The following AATK variants were observed in gnomAD, a reference collection of about 807,000 sequenced individuals.
AATK encodes serine/threonine-protein kinase LMTK1.
In AATK, 91 loss-of-function variants were observed where a neutral mutation model predicts 114.3. That is an observed-to-expected ratio of 0.80 (90% CI 0.67 to 0.95). The LOEUF (loss-of-function observed/expected upper bound fraction) is 0.95. Among genes scored for constraint, AATK ranks in the 40% least tolerant of loss-of-function variants. The pLI is 0.00. For synonymous variants in AATK, 1,075 were observed against 916.5 expected, an observed-to-expected ratio of 1.17 and a Z score of -3.12; for missense variants, 2,176 against 1,965.2, an observed-to-expected ratio of 1.11 and a Z score of -2.03.
intron 2 of AATK, chr17:81,131,838 A>C: frequency 7.7e-7 from 1 of 1,299,156 alleles, no homozygotes; most frequent in Non-Finnish European, 1.0e-6. Context: ...TGCCGGGACA[A>C]GGAGCATTCC....
Position 81,134,362 on chromosome 17 carries a change from C to T in AATK, c.189+6G>A. 1 of 1,612,896 alleles carries T rather than the reference C, an allele frequency of 6.2e-7. No individual in the cohort carries two copies. The highest frequency in any genetic ancestry group is 8.5e-7 in the Non-Finnish European group (1 of 1,179,720). ...CACGACAGCTCCCGCGGCCCCCAGG[C>T]CTCACCTTGAACCCGATACCGCCCT... is the stretch of plus-strand genomic sequence containing the variant. On this transcript the variant is annotated splice_donor_region_variant and intron_variant, in intron 2 of 13. Transcript: ENST00000326724.
chr17:81,122,196 G>C lies in AATK; in HGVS notation c.1740C>G (p.His580Gln), dbSNP rs763163937. 2.7e-6 allele frequency: 4 copies of C among 1,505,816 alleles called. No individual in the cohort carries two copies. The South Asian group carries it at 3.7e-5, about 14-fold the overall frequency. The allele number at this position is 1,505,816 out of a possible 1,614,324, so 93.3% of individuals were successfully genotyped here. ...ASLAMEPLLG[H>Q]GPPVDVPWGR... ...CCCAGGGGACGTCGACGGGTGGCCCGTGGCCCAGCAGCGGCTCCATGGCCA... is the reference window on the plus strand; with the variant it reads ...CCCAGGGGACGTCGACGGGTGGCCCCTGGCCCAGCAGCGGCTCCATGGCCA... The change falls in exon 11 of 14, where the codon CAC becomes CAG. Residue 580 changes from histidine to glutamine, a missense_variant. This residue lies in a region of AATK where 1,701 missense variants were observed against 1,394.7 expected (regional missense o/e 1.22). Coordinates refer to ENST00000326724, the MANE Select transcript of AATK (RefSeq NM_001080395.3).
intron 1 of AATK, among the ~76,000 whole-genome samples, chr17:81,152,240 C>A (rs954681197): frequency 6.6e-6 from 1 of 151,904 alleles, no homozygotes; most frequent in Non-Finnish European, 1.5e-5. Context: ...ATTGTGCCAC[C>A]GTACTCCAAC....
chr17:81,138,203 A>AC (rs1184776863), intron 1 of AATK, among the ~76,000 whole-genome samples: 13 of 147,180 alleles, frequency 8.8e-5, no homozygotes, highest in East Asian at 6.0e-4. Flanking sequence ...ACACACACAC[A>AC]CCCCCACATG....
Position 81,121,687 on chromosome 17 carries a change from G to A in AATK, c.2249C>T (p.Ser750Phe), listed in dbSNP as rs201872744. ...GGGAGCAGGTGCCAGGCCCTGGGCA[G>A]AGCATAGATGAGGGAGGCCGGGGCA... ...GCCPGLPHLC[S>F]AQGLAPAPCL... Residue 750 changes from serine (S) to phenylalanine (F), a missense_variant, in exon 11 of 14, where the codon TCT (serine) becomes TTT (phenylalanine). By Grantham distance (155) the Ser-to-Phe change is radical. Coordinates refer to ENST00000326724, the MANE Select transcript of AATK (RefSeq NM_001080395.3). 8 of 1,497,516 alleles carry A rather than the reference G, an allele frequency of 5.3e-6. No individual in the cohort carries two copies. Among genetic ancestry groups the A allele is most frequent in the Non-Finnish European group, 6.2e-6 (7 of 1,127,494 alleles). The allele number at this position is 1,497,516 out of a possible 1,614,324, so 92.8% of individuals were successfully genotyped here.
In AATK at chr17:81,126,234, G is replaced by T. The variant is rs1176581560; in HGVS notation, c.755+193C>A. On this transcript the variant is annotated intron_variant, in intron 7 of 13. Transcript: ENST00000326724. The surrounding 1 kb of genome is among the most constrained non-coding windows in gnomAD (Gnocchi z 5.1). Reference sequence around the variant, plus strand: ...CTCTTCGTCTAAACCTGCAAAGTGGGTGTCAAACCATTGTCTTCCCAATTT... The same window carrying T: ...CTCTTCGTCTAAACCTGCAAAGTGGTTGTCAAACCATTGTCTTCCCAATTT... Among the ~76,000 whole-genome samples, 4 of 152,214 alleles carry T rather than the reference G, an allele frequency of 2.6e-5. No homozygotes were observed. Among genetic ancestry groups the T allele is most frequent in the Non-Finnish European group, 5.9e-5 (4 of 68,044 alleles).
intron 1 of AATK, among the ~76,000 whole-genome samples, chr17:81,161,428 A>G (rs1350584712): frequency 6.6e-6 from 1 of 152,190 alleles, no homozygotes; most frequent in Non-Finnish European, 1.5e-5. Flanking sequence ...TAACTTGATT[A>G]CAGCTGCAAA....
At position 81,124,831 on chromosome 17, in the gene AATK, A is replaced by C. The variant is rs1369682094; in HGVS notation, c.858T>G (p.Thr286=). Reference sequence around the variant, plus strand: ...GCAGAGGCACCCACAGCTGGTCGGCAGTCACGAAGTAGTCCTCCTGTTGGC... The same window carrying C: ...GCAGAGGCACCCACAGCTGGTCGGCCGTCACGAAGTAGTCCTCCTGTTGGC... ...HCKYREDYFV[T]ADQLWVPLRW... The change falls in exon 9 of 14, where the codon ACT becomes ACG. Residue 286 remains threonine (T), a synonymous_variant. Coordinates refer to ENST00000326724, the MANE Select transcript of AATK (RefSeq NM_001080395.3). 1 of 1,610,962 alleles carries C rather than the reference A, an allele frequency of 6.2e-7. No individual in the cohort carries two copies. The highest frequency in any genetic ancestry group is 8.5e-7 in the Non-Finnish European group (1 of 1,179,010).
At chr17:81,144,102 G>A (rs896022022) in intron 1 of AATK, among the ~76,000 whole-genome samples, 2 of 152,142 alleles carry the variant, frequency 1.3e-5, no homozygotes, top group Admixed American at 1.3e-4. Context: ...GAAGCTTCCT[G>A]CTAAGTGGCT....
chr17:81,147,745 A>T (rs2061241205), intron 1 of AATK, among the ~76,000 whole-genome samples: 1 of 152,210 alleles, frequency 6.6e-6, no homozygotes, highest in Non-Finnish European at 1.5e-5. Context: ...ATGGAGCAAG[A>T]CCCTGTCTCA....
At chr17:81,142,271 T>C (rs2061150531) in intron 1 of AATK, among the ~76,000 whole-genome samples, 1 of 147,522 alleles carries the variant, frequency 6.8e-6, no homozygotes, top group South Asian at 2.1e-4. Context: ...TTTTTTCTTT[T>C]TTCTTTTCTT....
rs1005259467 is a variant in AATK, at chr17:81,147,470, A to G, written c.56-12969T>C. Among the ~76,000 whole-genome samples, 38 of 152,360 alleles carry G rather than the reference A, an allele frequency of 2.5e-4. 1 individual carries two copies. Among genetic ancestry groups the G allele is most frequent in the Admixed American group, 9.8e-4 (15 of 15,304 alleles). The stretch of plus-strand genomic sequence containing the variant: ...ATAAGCCATAAAAAGTGAATTTAAG[A>G]CTATGTTTTAGGCCTGGTAAGGTGG... On this transcript the variant is annotated intron_variant, in intron 1 of 13. Coordinates refer to ENST00000326724, the MANE Select transcript of AATK (RefSeq NM_001080395.3).
intron 1 of AATK, among the ~76,000 whole-genome samples, chr17:81,154,929 C>G (rs146761927): frequency 6.6e-6 from 1 of 152,312 alleles, no homozygotes; most frequent in East Asian, 1.9e-4. Flanking sequence ...TGCGCTCGGC[C>G]CTTTCCCACT....
intron 11 of AATK, 58 bp downstream of exon 11, chr17:81,120,143 C>T (rs1321432520): frequency 3.3e-6 from 5 of 1,511,344 alleles, no homozygotes; most frequent in Non-Finnish European, 3.5e-6. Flanking sequence ...CGCTCCCACC[C>T]CTTCCTGCGG....
Position 81,119,369 on chromosome 17 carries a change from C to T in AATK, c.4084+11G>A. ...GCGTGCCCTTCTGCCACAGCCCCGC[C>T]CAGGCCTCACCTCTCTTGGACTCGG... On this transcript the variant is annotated intron_variant, in intron 13 of 13. Coordinates refer to ENST00000326724, the MANE Select transcript of AATK (RefSeq NM_001080395.3). The T allele has an allele frequency of 1.0e-6, 1 of 970,602 alleles. No individual in the cohort carries two copies. The highest frequency in any genetic ancestry group is 1.6e-5 in the South Asian group (1 of 63,098). 60.1% of individuals were successfully genotyped at this position (970,602 alleles called of 1,614,324 possible). A position where few individuals can be genotyped will look rare whatever the true frequency, so the allele number is the denominator to read the frequency against.
rs1025130898 is a variant in AATK, at chr17:81,134,374, C to T, written c.183G>A (p.Gly61=). ...ACLCCKKGGI[G]FKEFENAEGD... is the part of the protein sequence containing the mutation. The stretch of plus-strand genomic sequence containing the variant: ...CGCGGCCCCCAGGCCTCACCTTGAA[C>T]CCGATACCGCCCTTCTTACAGCACA... Residue 61 remains glycine (G), a synonymous_variant, in exon 2 of 14, where the codon GGG becomes GGA. Transcript: ENST00000326724. 10 of 1,613,032 alleles carry T rather than the reference C, an allele frequency of 6.2e-6. No homozygotes were observed. The highest frequency in any genetic ancestry group is 1.1e-5 in the South Asian group (1 of 91,074).
In AATK at chr17:81,126,958, T is replaced by C. The variant is rs2060840327; in HGVS notation, c.622-398A>G. On this transcript the variant is annotated intron_variant, in intron 6 of 13. Transcript: ENST00000326724. The surrounding 1 kb of genome is among the most constrained non-coding windows in gnomAD (Gnocchi z 5.1). ...TCAACGTCAGGAGTCCAGACGCCAG[T>C]GTGTGAGGGCCCCTGTCCCGAGGGA... 2 of 575,628 alleles carry C rather than the reference T, an allele frequency of 3.5e-6. No homozygotes were observed. Among genetic ancestry groups the C allele is most frequent in the Non-Finnish European group, 4.6e-6 (2 of 434,206 alleles). 35.7% of individuals were successfully genotyped at this position (575,628 alleles called of 1,614,324 possible).
Position 81,126,281 on chromosome 17 carries a change from C to A in AATK, c.755+146G>T. Reference sequence around the variant, plus strand: ...ATTTTTCAAAAACGTCATAAAATCCCTCTGCATAGTGGTTGTCTGATGCTG... The same window carrying A: ...ATTTTTCAAAAACGTCATAAAATCCATCTGCATAGTGGTTGTCTGATGCTG... On this transcript the variant is annotated intron_variant, in intron 7 of 13. Transcript: ENST00000326724. The surrounding 1 kb of genome is among the most constrained non-coding windows in gnomAD (Gnocchi z 5.1). The A allele has an allele frequency of 9.1e-7, 1 of 1,098,264 alleles. No homozygotes were observed. Among genetic ancestry groups the A allele is most frequent in the South Asian group, 1.6e-5 (1 of 60,634 alleles). The allele number at this position is 1,098,264 out of a possible 1,614,324, so 68.0% of individuals were successfully genotyped here.
chr17:81,136,886 G>A (rs911706915), intron 1 of AATK, among the ~76,000 whole-genome samples: 1 of 152,186 alleles, frequency 6.6e-6, no homozygotes, highest in Non-Finnish European at 1.5e-5. Flanking sequence ...AGTGCCCAGA[G>A]CAGCAGAAAC....
Sources: allele counts gnomAD v4.1 joint callset (sites outside exome capture counted in the v4.1 genomes callset), GRCh38; gene constraint gnomAD v4.1.1; regional missense constraint gnomAD v4.1.1; non-coding constraint Gnocchi (gnomAD v3.1); transcripts MANE v1.5; gene names NCBI Gene and HGNC (gene_info 2026-07-23, HGNC 2026-07-21).